The following SGPP2 variants were observed in gnomAD, a reference collection of about 807,000 sequenced individuals.
SGPP2 encodes sphingosine 1-phosphate phosphohydrolase 2.
In SGPP2, 30 loss-of-function variants were observed where a neutral mutation model predicts 33.9. The observed-to-expected ratio is 0.89, with a 90% confidence interval of 0.66 to 1.20. SGPP2 has a LOEUF of 1.20. Among genes scored for constraint, SGPP2 ranks in the 50% most tolerant of loss-of-function variants. The pLI, the probability that SGPP2 is intolerant of heterozygous loss-of-function variation, is 0.00. For missense variants in SGPP2, 458 were observed against 532.1 expected (o/e 0.86, Z 1.37); for synonymous variants, 233 against 225.0 (o/e 1.04, Z -0.32).
intron 1 of SGPP2, among the ~76,000 whole-genome samples, chr2:222,441,863 A>G (rs973861471): frequency 7.2e-5 from 11 of 152,200 alleles, no homozygotes; most frequent in African/African-American, 2.7e-4. Context: ...TATCAACTGT[A>G]TTGATTAGGA....
chr2:222,479,399 C>CTTTTTTTTTT (rs568165167), intron 2 of SGPP2, among the ~76,000 whole-genome samples: 1 of 114,894 alleles, frequency 8.7e-6, no homozygotes, highest in Non-Finnish European at 1.7e-5. Flanking sequence ...ATCTACCCTT[C>CTTTTTTTTTT]TTTTTTTTTT....
chr2:222,449,092 A>G (rs1697440297), intron 1 of SGPP2, among the ~76,000 whole-genome samples: 1 of 152,168 alleles, frequency 6.6e-6, no homozygotes, highest in African/African-American at 2.4e-5. Context: ...GAGATTCCGA[A>G]AACATGTTCT....
intron 4 of SGPP2, among the ~76,000 whole-genome samples, chr2:222,546,081 G>C (rs1689189998): frequency 6.6e-6 from 1 of 152,180 alleles, no homozygotes; most frequent in Non-Finnish European, 1.5e-5. Context: ...CTGTGGGAAT[G>C]GTCCTTAAAA....
chr2:222,473,726 A>G (rs1358553409), intron 1 of SGPP2, among the ~76,000 whole-genome samples: 1 of 152,092 alleles, frequency 6.6e-6, no homozygotes, highest in Non-Finnish European at 1.5e-5. Context: ...GGAGTTTGAG[A>G]CGAGCCTGAC....
At chr2:222,438,488 G>C (rs747932034) in intron 1 of SGPP2, among the ~76,000 whole-genome samples, 3 of 152,238 alleles carry the variant, frequency 2.0e-5, no homozygotes, top group Non-Finnish European at 4.4e-5. Context: ...GGACAGTAAA[G>C]GTATATTGCT....
At chr2:222,474,964 A>C (rs1697908644) in intron 2 of SGPP2, among the ~76,000 whole-genome samples, 1 of 152,164 alleles carries the variant, frequency 6.6e-6, no homozygotes, top group South Asian at 2.1e-4. Flanking sequence ...TTGTCCTTTA[A>C]TGATGCCTAC....
chr2:222,540,242 T>C (rs1192142176), intron 4 of SGPP2, among the ~76,000 whole-genome samples: 1 of 152,238 alleles, frequency 6.6e-6, no homozygotes, highest in Non-Finnish European at 1.5e-5. Context: ...TTATGTTTCA[T>C]ATACACCTTG....
chr2:222,481,080 T>G (rs1416707792), intron 2 of SGPP2, among the ~76,000 whole-genome samples: 1 of 152,110 alleles, frequency 6.6e-6, no homozygotes, highest in Non-Finnish European at 1.5e-5. Flanking sequence ...CAACACACAC[T>G]GGGTACCTGT....
At chr2:222,430,154 C>T (rs1697130792) in intron 1 of SGPP2, among the ~76,000 whole-genome samples, 2 of 152,138 alleles carry the variant, frequency 1.3e-5, no homozygotes, top group South Asian at 2.1e-4. Context: ...GAGTAACTCA[C>T]CTTCCCAGGG....
At chr2:222,544,542 A>G (rs1245079971) in intron 4 of SGPP2, among the ~76,000 whole-genome samples, 2 of 152,216 alleles carry the variant, frequency 1.3e-5, no homozygotes, top group African/African-American at 2.4e-5. Context: ...TACATTTTAA[A>G]TCATCTCTAG....
intron 1 of SGPP2, among the ~76,000 whole-genome samples, chr2:222,433,439 G>C (rs543312713): frequency 6.6e-6 from 1 of 152,160 alleles, no homozygotes; most frequent in East Asian, 1.9e-4. Context: ...CTGTAGTTGC[G>C]AATGGTGGCT....
intron 2 of SGPP2, among the ~76,000 whole-genome samples, chr2:222,478,223 G>A (rs1697978014): frequency 6.6e-6 from 1 of 151,146 alleles, no homozygotes; most frequent in South Asian, 2.1e-4. Context: ...GGAGGTGCGG[G>A]TGTGCTTGCG....
At chr2:222,431,761 G>T (rs549058270) in intron 1 of SGPP2, among the ~76,000 whole-genome samples, 1 of 152,168 alleles carries the variant, frequency 6.6e-6, no homozygotes, top group Non-Finnish European at 1.5e-5. Flanking sequence ...AGCCAGGCAG[G>T]AAGAGGTTGA....
chr2:222,515,127 A>T (rs1157408349), intron 2 of SGPP2, among the ~76,000 whole-genome samples: 2 of 151,548 alleles, frequency 1.3e-5, no homozygotes, highest in Non-Finnish European at 2.9e-5. Flanking sequence ...ATCTTAACTG[A>T]TGTCCTTCCT....
chr2:222,550,158 A>G lies in SGPP2; in HGVS notation c.649-8189A>G, dbSNP rs960112764. Among the ~76,000 whole-genome samples the G allele has an allele frequency of 1.3e-5, 2 of 152,148 alleles. No individual in the cohort carries two copies. The highest frequency in any genetic ancestry group is 2.4e-5 in the African/African-American group (1 of 41,436). Reference sequence around the variant, plus strand: ...CTCCCAAAGTGCTGGGATTACAGGCATGAGCCACCGCACCCAGCCTGTATG... The same window carrying G: ...CTCCCAAAGTGCTGGGATTACAGGCGTGAGCCACCGCACCCAGCCTGTATG... On this transcript the variant is annotated intron_variant, in intron 4 of 4. Coordinates refer to ENST00000321276, the MANE Select transcript of SGPP2 (RefSeq NM_152386.4). This position sits in a 1 kb window ranked among gnomAD's most constrained non-coding sequence, Gnocchi z 4.5.
intron 2 of SGPP2, among the ~76,000 whole-genome samples, chr2:222,503,111 T>C (rs939648296): frequency 1.3e-5 from 2 of 152,172 alleles, no homozygotes; most frequent in South Asian, 4.1e-4. Flanking sequence ...TTGGGAGGCC[T>C]AAGGAAATAC....
At chr2:222,500,134 G>A (rs947529171) in intron 2 of SGPP2, among the ~76,000 whole-genome samples, 27 of 152,194 alleles carry the variant, frequency 1.8e-4, no homozygotes, top group African/African-American at 6.5e-4. Flanking sequence ...ACATAAGGAA[G>A]AAGGTTGAGA....
chr2:222,427,821 G>T (rs970394176), intron 1 of SGPP2, among the ~76,000 whole-genome samples: 3 of 152,150 alleles, frequency 2.0e-5, no homozygotes, highest in African/African-American at 7.2e-5. Context: ...GTGACTAAAA[G>T]TTTCCTCTAC....
chr2:222,530,782 T>C (rs542018607), intron 4 of SGPP2, among the ~76,000 whole-genome samples: 1 of 152,356 alleles, frequency 6.6e-6, no homozygotes, highest in East Asian at 1.9e-4. Flanking sequence ...ATTCTCAATA[T>C]GGCTGTTTGG....
Sources: allele counts gnomAD v4.1 joint callset (sites outside exome capture counted in the v4.1 genomes callset), GRCh38; gene constraint gnomAD v4.1.1; non-coding constraint Gnocchi (gnomAD v3.1); transcripts MANE v1.5; gene names NCBI Gene and HGNC (gene_info 2026-07-23, HGNC 2026-07-21).